The following ADGRL1 variants were observed in gnomAD, a reference collection of about 807,000 sequenced individuals.
ADGRL1 encodes the protein CIRL-1.
Under a neutral mutation model 148.9 loss-of-function variants are expected in ADGRL1, and 31 were observed. The ratio of observed to expected loss-of-function variants is 0.21; its 90% CI spans 0.16 to 0.28. ADGRL1 has a LOEUF of 0.28. Among genes scored for constraint, ADGRL1 ranks in the 10% least tolerant of loss-of-function variants. The pLI is 1.00. For missense variants in ADGRL1, 1,521 were observed against 2,058.8 expected, an observed-to-expected ratio of 0.74 and a Z score of 5.05; for synonymous variants, 937 against 900.3, an observed-to-expected ratio of 1.04 and a Z score of -0.73.
chr19:14,152,040 C>A lies in ADGRL1; in HGVS notation c.3667+93G>T. 1 of 1,209,622 alleles carries A rather than the reference C, an allele frequency of 8.3e-7. No homozygotes were observed. The highest frequency in any genetic ancestry group is 1.2e-6 in the Non-Finnish European group (1 of 813,770). The allele number at this position is 1,209,622 out of a possible 1,614,324, so 74.9% of individuals were successfully genotyped here. ...GAAATGTGGGCATGGGGAGGCATCC[C>A]GAGTTCTCCTCCTTAAGTGAGGCCG... On this transcript the variant is annotated intron_variant, in intron 22 of 22. Coordinates refer to ENST00000361434, the MANE Select transcript of ADGRL1 (RefSeq NM_014921.5). This position sits in a 1 kb window ranked among gnomAD's most constrained non-coding sequence, Gnocchi z 6.1.
intron 4 of ADGRL1, among the ~76,000 whole-genome samples, chr19:14,166,230 G>A (rs1178546074): frequency 1.5e-4 from 19 of 123,578 alleles, no homozygotes; most frequent in South Asian, 6.0e-4. Flanking sequence ...CACGAGGCCC[G>A]CCCCCGCCCC....
intron 1 of ADGRL1, among the ~76,000 whole-genome samples, chr19:14,197,216 G>A (rs1400734635): frequency 6.6e-6 from 1 of 152,058 alleles, no homozygotes; most frequent in Non-Finnish European, 1.5e-5. Context: ...AGGCTGCAGT[G>A]AGCTATGATC....
intron 1 of ADGRL1, among the ~76,000 whole-genome samples, chr19:14,184,976 T>A (rs1476896910): frequency 6.6e-6 from 1 of 151,848 alleles, no homozygotes; most frequent in Non-Finnish European, 1.5e-5. Context: ...AGAGAGGAGG[T>A]CTTGCTATGT....
intron 3 of ADGRL1, among the ~76,000 whole-genome samples, chr19:14,174,503 C>T (rs898987699): frequency 2.6e-5 from 4 of 151,560 alleles, no homozygotes; most frequent in Admixed American, 2.6e-4. Context: ...TCCTGGGGCT[C>T]TCAGTGACCC....
intron 1 of ADGRL1, among the ~76,000 whole-genome samples, chr19:14,187,909 T>C (rs1340346229): frequency 2.0e-5 from 3 of 151,920 alleles, no homozygotes; most frequent in Non-Finnish European, 4.4e-5. Flanking sequence ...GCAACAGGCA[T>C]CCGAGCAGAG....
intron 1 of ADGRL1, among the ~76,000 whole-genome samples, chr19:14,198,315 G>A (rs1255395125): frequency 2.6e-5 from 4 of 152,142 alleles, no homozygotes; most frequent in East Asian, 1.9e-4. Flanking sequence ...GGCCGCAGAG[G>A]TGGAGATCAG....
chr19:14,205,566 C>T (rs1315774945), intron 1 of ADGRL1, among the ~76,000 whole-genome samples: 1 of 151,732 alleles, frequency 6.6e-6, no homozygotes, highest in African/African-American at 2.4e-5. Context: ...CACCCAGACA[C>T]CTACACAAAC....
chr19:14,177,711 A>G lies in ADGRL1; in HGVS notation c.104T>C (p.Met35Thr), dbSNP rs138325009. Residue 35 changes from methionine to threonine, a missense_variant, in exon 3 of 23, where the codon ATG (methionine) becomes ACG (threonine). Physicochemically the swap from Met to Thr is moderately conservative, Grantham distance 81. Transcript: ENST00000361434. ...GCCTTCACACGCCAGCTCCCGGCGC[A>G]TCAGCCCGAACGGGAGCCCGGCCCG... is the stretch of plus-strand genomic sequence containing the variant. ...LSRAGLPFGL[M>T]RRELACEGYP... The G allele has an allele frequency of 6.2e-7, 1 of 1,613,498 alleles. No individual in the cohort carries two copies. The highest frequency in any genetic ancestry group is 8.5e-7 in the Non-Finnish European group (1 of 1,179,956).
chr19:14,152,204 G>C lies in ADGRL1; in HGVS notation c.3650-54C>G, dbSNP rs1968273509. The C allele has an allele frequency of 2.5e-6, 4 of 1,614,066 alleles. No individual in the cohort carries two copies. The highest frequency in any genetic ancestry group is 1.1e-5 in the South Asian group (1 of 91,086). On this transcript the variant is annotated intron_variant, in intron 21 of 22. Transcript: ENST00000361434. The surrounding 1 kb of genome is among the most constrained non-coding windows in gnomAD (Gnocchi z 6.1). ...GAAAAGGCAAGGATGAGCTCGAAATGCAAGTCCAGGCTCCAGTTCTGGGGC... is the reference window on the plus strand; with the variant it reads ...GAAAAGGCAAGGATGAGCTCGAAATCCAAGTCCAGGCTCCAGTTCTGGGGC...
chr19:14,183,318 T>C (rs780421117), intron 2 of ADGRL1, among the ~76,000 whole-genome samples: 1 of 151,872 alleles, frequency 6.6e-6, no homozygotes, highest in African/African-American at 2.4e-5. Flanking sequence ...CCCAGCCGAC[T>C]TGTTGGAGGT....
At chr19:14,158,612 G>C in intron 11 of ADGRL1, 60 bp from the exon 12 acceptor site, 1 of 1,406,040 alleles carries the variant, frequency 7.1e-7, no homozygotes, top group Non-Finnish European at 1.0e-6. Context: ...CCTCCATCCA[G>C]GCCCCTGGCT....
intron 4 of ADGRL1, among the ~76,000 whole-genome samples, chr19:14,168,349 C>T (rs1000863326): frequency 3.9e-5 from 6 of 152,316 alleles, no homozygotes; most frequent in African/African-American, 1.4e-4. Context: ...CCTGTCCCCG[C>T]TTTAACTCCA....
chr19:14,155,682 T>C lies in ADGRL1; in HGVS notation c.3126-155A>G. ...CGAGTGGGCCTTGGGGGCAGTGGCC[T>C]GCCCAGGACACCTCCACCGGAGCCT... On this transcript the variant is annotated intron_variant, in intron 17 of 22. Transcript: ENST00000361434. This position sits in a 1 kb window ranked among gnomAD's most constrained non-coding sequence, Gnocchi z 5.0. 1 of 673,018 alleles carries C rather than the reference T, an allele frequency of 1.5e-6. No individual in the cohort carries two copies. The highest frequency in any genetic ancestry group is 2.5e-6 in the Non-Finnish European group (1 of 402,532). 41.7% of individuals were successfully genotyped at this position (673,018 alleles called of 1,614,324 possible).
intron 3 of ADGRL1, among the ~76,000 whole-genome samples, chr19:14,174,096 T>C (rs1452832770): frequency 6.6e-6 from 1 of 151,942 alleles, no homozygotes; most frequent in African/African-American, 2.4e-5. Context: ...TCAGCCCCGG[T>C]AACTATTCTG....
At chr19:14,198,644 C>G (rs2051814367) in intron 1 of ADGRL1, among the ~76,000 whole-genome samples, 1 of 152,108 alleles carries the variant, frequency 6.6e-6, no homozygotes, top group African/African-American at 2.4e-5. Context: ...CCCACAGTCA[C>G]AAGTCCAGCC....
chr19:14,162,556 G>A lies in ADGRL1; in HGVS notation c.1195+50C>T, dbSNP rs1349967042. 3 of 1,527,952 alleles carry A rather than the reference G, an allele frequency of 2.0e-6. No individual in the cohort carries two copies. The highest frequency in any genetic ancestry group is 1.7e-5 in the Admixed American group (1 of 57,560). 94.6% of individuals were successfully genotyped at this position (1,527,952 alleles called of 1,614,324 possible). A position where few individuals can be genotyped will look rare whatever the true frequency, so the allele number is the denominator to read the frequency against. Reference sequence around the variant, plus strand: ...TGGGACCCAGGGGTGGGTGGGGGTGGAGGGGACAAAGGCAAGCAGGCTCCA... The same window carrying A: ...TGGGACCCAGGGGTGGGTGGGGGTGAAGGGGACAAAGGCAAGCAGGCTCCA... On this transcript the variant is annotated intron_variant, in intron 5 of 22. Transcript: ENST00000361434. This position sits in a 1 kb window ranked among gnomAD's most constrained non-coding sequence, Gnocchi z 5.4.
At chr19:14,174,537 T>G (rs1331473705) in intron 3 of ADGRL1, among the ~76,000 whole-genome samples, 2 of 113,494 alleles carry the variant, frequency 1.8e-5, no homozygotes, top group Non-Finnish European at 3.9e-5. Flanking sequence ...TAACACACAT[T>G]TTTTTTTTTT....
In ADGRL1 at chr19:14,183,587, C is replaced by T. The variant is rs143972228; in HGVS notation, c.16G>A (p.Ala6Thr). ...GTGACACACAGATTCCAGAGCACTG[C>T]GGCTAGGCGGGCCATGGTGGCAGCC... MARLAAVLWNLCVTAV... is the reference protein window; with the variant it reads MARLATVLWNLCVTAV... The change falls in exon 2 of 23, where the codon GCA becomes ACA. Residue 6 changes from alanine to threonine, a missense_variant. Physicochemically the swap from Ala to Thr is moderately conservative, Grantham distance 58. Transcript: ENST00000361434. 120 of 1,580,680 alleles carry T rather than the reference C, an allele frequency of 7.6e-5. No individual in the cohort carries two copies. Among genetic ancestry groups the T allele is most frequent in the Middle Eastern group, 3.3e-4 (2 of 6,028 alleles).
At chr19:14,175,062 C>T (rs116029547) in intron 3 of ADGRL1, among the ~76,000 whole-genome samples, 3 of 152,106 alleles carry the variant, frequency 2.0e-5, no homozygotes, top group Non-Finnish European at 2.9e-5. Flanking sequence ...AGTCTGGTCT[C>T]GAACTCCTGA....
Sources: gnomAD v4.1 joint callset for allele counts (sites outside exome capture counted in the v4.1 genomes callset) on GRCh38, gnomAD v4.1.1 for gene constraint, Gnocchi (gnomAD v3.1) non-coding constraint, MANE v1.5 for transcripts, NCBI Gene and HGNC (gene_info 2026-07-23, HGNC 2026-07-21) for gene names.